Variants in TMEM232 observed in about 807,000 individuals in gnomAD.
The protein encoded by TMEM232 is transmembrane protein 232.
Under a neutral mutation model 78.8 loss-of-function variants are expected in TMEM232, and 80 were observed. That is an observed-to-expected ratio of 1.01 (90% CI 0.85 to 1.22). TMEM232 has a LOEUF of 1.22. TMEM232 is among the 50% of genes most tolerant of loss of function. The pLI, the probability that TMEM232 is intolerant of heterozygous loss-of-function variation, is 0.00. For synonymous variants in TMEM232, 297 were observed against 254.3 expected (o/e 1.17, Z -1.60); for missense variants, 881 against 742.2 (o/e 1.19, Z -2.17).
At chr5:110,647,961 C>CA (rs1162523642) in intron 2 of TMEM232, among the ~76,000 whole-genome samples, 1 of 151,600 alleles carries the variant, frequency 6.6e-6, no homozygotes, top group Non-Finnish European at 1.5e-5. Flanking sequence ...CTGTGTCTTC[C>CA]AAAAAATGAA....
In TMEM232 at chr5:110,625,285, C is replaced by A; in HGVS notation, c.750G>T (p.Glu250Asp). Residue 250 changes from glutamate (E) to aspartate (D), a missense_variant, in exon 7 of 14, where the codon GAG (glutamate) becomes GAT (aspartate). By Grantham distance (45) the Glu-to-Asp change is conservative. Coordinates refer to ENST00000455884, the MANE Select transcript of TMEM232 (RefSeq NM_001039763.4). ...FRPVEDKKRY[E>D]NTDSDMGGYE... is the part of the protein sequence containing the mutation. ...TACTCACCATATCAGAATCTGTGTT[C>A]TCATATCTTTTCTTATCTTCCACAG... 1 of 1,540,048 alleles carries A rather than the reference C, an allele frequency of 6.5e-7. No individual in the cohort carries two copies. Among genetic ancestry groups the A allele is most frequent in the South Asian group, 1.2e-5 (1 of 81,738 alleles).
At chr5:110,727,058 GCAGT>G (rs546079412), upstream of TMEM232, among the ~76,000 whole-genome samples, 12 of 152,130 alleles carry the variant, frequency 7.9e-5, no homozygotes, top group Non-Finnish European at 1.5e-4. Flanking sequence ...AAAATTTGGA[GCAGT>G]CAGTGTCCTC....
At chr5:110,659,620 CCTA>C (rs755376192) in intron 2 of TMEM232, among the ~76,000 whole-genome samples, 9 of 151,976 alleles carry the variant, frequency 5.9e-5, no homozygotes, top group East Asian at 3.9e-4. Context: ...AAACAACAAA[CCTA>C]CTAAGACTCC....
chr5:110,673,811 G>A (rs896011748), intron 1 of TMEM232, among the ~76,000 whole-genome samples: 2 of 151,960 alleles, frequency 1.3e-5, no homozygotes, highest in African/African-American at 2.4e-5. Flanking sequence ...AAAGTGAAAC[G>A]GTATGGCCAT....
intron 13 of TMEM232, among the ~76,000 whole-genome samples, chr5:110,421,078 T>C (rs1301722005): frequency 6.6e-6 from 1 of 151,570 alleles, no homozygotes; most frequent in Non-Finnish European, 1.5e-5. Context: ...CATGACAGCA[T>C]GGGTTATAAA....
At chr5:110,408,165 A>C (rs2112578304) in intron 2 of TMEM232, among the ~76,000 whole-genome samples, 1 of 152,320 alleles carries the variant, frequency 6.6e-6, no homozygotes, top group East Asian at 1.9e-4. Context: ...ACCTATATTA[A>C]AAAAGTAGAA....
chr5:110,462,701 G>A (rs1761665186), intron 12 of TMEM232, among the ~76,000 whole-genome samples: 1 of 152,098 alleles, frequency 6.6e-6, no homozygotes, highest in African/African-American at 2.4e-5. Context: ...TTCATCTTGT[G>A]ATAATATGAG....
intron 11 of TMEM232, among the ~76,000 whole-genome samples, chr5:110,533,343 C>T (rs1386457298): frequency 6.6e-6 from 1 of 152,174 alleles, no homozygotes; most frequent in Non-Finnish European, 1.5e-5. Flanking sequence ...AACCTCAATC[C>T]CTTACAAAAC....
At position 110,692,705 on chromosome 5, in the gene TMEM232, A is replaced by G. The variant is rs889824875; in HGVS notation, c.-12-25341T>C. On this transcript the variant is annotated intron_variant, in intron 1 of 13. Transcript: ENST00000455884. ...CACCCATGGAGCATCGCTCATTGCT[A>G]GCACAGCAGTCTGAGATCAAACTGC... Among the ~76,000 whole-genome samples the G allele has an allele frequency of 5.9e-5, 9 of 152,338 alleles. No homozygotes were observed. The East Asian group carries it at 9.7e-4, about 16-fold the overall frequency.
chr5:110,628,101 T>C (rs1249965627), intron 5 of TMEM232, among the ~76,000 whole-genome samples: 1 of 152,100 alleles, frequency 6.6e-6, no homozygotes, highest in Non-Finnish European at 1.5e-5. Context: ...ACACTACATA[T>C]AATGACCAAC....
At chr5:110,593,718 C>CA (rs200887590) in intron 10 of TMEM232, among the ~76,000 whole-genome samples, 5,166 of 151,894 alleles carry the variant, frequency 0.034, 131 homozygotes, top group African/African-American at 0.066. Context: ...TCAATGGGTA[C>CA]AAAAAATGGA....
intron 12 of TMEM232, among the ~76,000 whole-genome samples, chr5:110,474,137 G>C (rs186258440): frequency 4.0e-5 from 6 of 151,652 alleles, no homozygotes; most frequent in Admixed American, 2.0e-4. Context: ...CTATAAGAAC[G>C]GATTCTGAAT....
chr5:110,537,731 G>A (rs1772576966), intron 11 of TMEM232, among the ~76,000 whole-genome samples: 1 of 152,240 alleles, frequency 6.6e-6, no homozygotes. Flanking sequence ...AGCAAGAGCT[G>A]AGGGGCCAGT....
intron 7 of TMEM232, among the ~76,000 whole-genome samples, chr5:110,623,185 C>G (rs986985041): frequency 6.6e-6 from 1 of 151,978 alleles, no homozygotes; most frequent in African/African-American, 2.4e-5. Context: ...GAAATGGGGT[C>G]CAACAGCAGA....
intron 13 of TMEM232, among the ~76,000 whole-genome samples, chr5:110,422,438 T>A (rs576108171): frequency 7.4e-6 from 1 of 136,032 alleles, no homozygotes; most frequent in East Asian, 2.2e-4. Flanking sequence ...GAGAATGGCA[T>A]GAACCCGGGA....
At chr5:110,431,486 T>TGTACATA (rs1757840912) in intron 12 of TMEM232, among the ~76,000 whole-genome samples, 1 of 151,750 alleles carries the variant, frequency 6.6e-6, no homozygotes, top group Non-Finnish European at 1.5e-5. Flanking sequence ...GTCTTTCTGC[T>TGTACATA]GTACATAGTA....
intron 2 of TMEM232, among the ~76,000 whole-genome samples, chr5:110,656,838 TAA>T (rs1301001343): frequency 4.6e-5 from 6 of 131,632 alleles, no homozygotes; most frequent in Admixed American, 7.8e-5. Flanking sequence ...ACTCCATCTC[TAA>T]AAAAAAAAAA....
At chr5:110,389,756 T>C (rs1755113130) in intron 4 of TMEM232, among the ~76,000 whole-genome samples, 1 of 152,198 alleles carries the variant, frequency 6.6e-6, no homozygotes, top group African/African-American at 2.4e-5. Flanking sequence ...GATTACCATG[T>C]TTCCACTGGA....
At chr5:110,627,962 T>C in intron 5 of TMEM232, 82 bp from the exon 6 acceptor site, 1 of 945,330 alleles carries the variant, frequency 1.1e-6, no homozygotes, top group South Asian at 1.6e-5. Context: ...AACCATTATA[T>C]TATTACATTT....
Sources: allele counts gnomAD v4.1 joint callset (sites outside exome capture counted in the v4.1 genomes callset), GRCh38; gene constraint gnomAD v4.1.1; transcripts MANE v1.5; gene names NCBI Gene and HGNC (gene_info 2026-07-23, HGNC 2026-07-21).